Variants in ROR1 observed in about 807,000 individuals in gnomAD.
The protein encoded by ROR1 is inactive tyrosine-protein kinase transmembrane receptor ROR1.
In ROR1, 19 loss-of-function variants were observed where a neutral mutation model predicts 78.8. The observed-to-expected ratio is 0.24, with a 90% CI of 0.17 to 0.35. The LOEUF is 0.35. Ranked by LOEUF, ROR1 falls within the 10% of genes least tolerant of loss-of-function variation. ROR1 has a pLI of 1.00. For synonymous variants in ROR1, 386 were observed against 433.6 expected, an observed-to-expected ratio of 0.89 and a Z score of 1.36; for missense variants, 917 against 1,177.8, an observed-to-expected ratio of 0.78 and a Z score of 3.24.
At chr1:63,797,555 C>T (rs1235843788) in intron 1 of ROR1, among the ~76,000 whole-genome samples, 1 of 152,198 alleles carries the variant, frequency 6.6e-6, no homozygotes, top group Non-Finnish European at 1.5e-5. Flanking sequence ...AGGGAACTTG[C>T]TCAAGGTCAA....
intron 2 of ROR1, among the ~76,000 whole-genome samples, chr1:64,032,059 A>T (rs979179198): frequency 3.3e-5 from 5 of 152,056 alleles, no homozygotes; most frequent in African/African-American, 1.2e-4. Context: ...TATACAAAAT[A>T]TGGCCGGGCG....
intron 4 of ROR1, among the ~76,000 whole-genome samples, chr1:64,101,277 G>A (rs1018557610): frequency 6.6e-6 from 1 of 152,138 alleles, no homozygotes; most frequent in Non-Finnish European, 1.5e-5. Flanking sequence ...GTGCCACGGG[G>A]TAGGGAACAG....
At chr1:64,062,871 T>C (rs1018658841) in intron 4 of ROR1, among the ~76,000 whole-genome samples, 1 of 152,198 alleles carries the variant, frequency 6.6e-6, no homozygotes, top group Non-Finnish European at 1.5e-5. Context: ...CACATAAATA[T>C]TGTATGTAAT....
At chr1:64,177,029 T>C (rs1056342660) in intron 8 of ROR1, among the ~76,000 whole-genome samples, 6 of 152,204 alleles carry the variant, frequency 3.9e-5, no homozygotes, top group Non-Finnish European at 8.8e-5. Context: ...TGGTAGTGCT[T>C]CTGACACCCT....
At chr1:63,793,901 C>T (rs1483008992) in intron 1 of ROR1, among the ~76,000 whole-genome samples, 1 of 152,180 alleles carries the variant, frequency 6.6e-6, no homozygotes, top group African/African-American at 2.4e-5. Flanking sequence ...ATAACAGCCT[C>T]CTGGGGACTG....
chr1:64,066,451 G>C (rs959626356), intron 4 of ROR1, among the ~76,000 whole-genome samples: 2 of 151,800 alleles, frequency 1.3e-5, no homozygotes. Flanking sequence ...CCAAGTAGCT[G>C]GGACTACAGG....
At chr1:63,836,891 G>T (rs555018228) in intron 1 of ROR1, among the ~76,000 whole-genome samples, 44 of 152,204 alleles carry the variant, frequency 2.9e-4, no homozygotes, top group Non-Finnish European at 5.3e-4. Flanking sequence ...ATTGCTAAAG[G>T]CTGACAACCA....
chr1:63,832,602 G>A (rs1400824235), intron 1 of ROR1, among the ~76,000 whole-genome samples: 1 of 152,320 alleles, frequency 6.6e-6, no homozygotes, highest in East Asian at 1.9e-4. Context: ...CTGGAACATG[G>A]AATTAGTACT....
Position 64,142,766 on chromosome 1 carries a change from G to T in ROR1, c.1174+116G>T, listed in dbSNP as rs188874385. 1.5e-5 allele frequency: 22 copies of T among 1,489,576 alleles called. No individual in the cohort carries two copies. The East Asian group carries it at 3.8e-4, about 26-fold the overall frequency. 92.3% of individuals were successfully genotyped at this position (1,489,576 alleles called of 1,614,324 possible). On this transcript the variant is annotated intron_variant, in intron 7 of 8. Transcript: ENST00000371079. ...CAAAGAAAATGGACAGTATTTGCTT[G>T]ATCTCAATCTGGTTTTAGGGTAAAC...
At chr1:63,899,075 A>G (rs112175082) in intron 1 of ROR1, among the ~76,000 whole-genome samples, 23 of 151,954 alleles carry the variant, frequency 1.5e-4, no homozygotes, top group African/African-American at 4.6e-4. Flanking sequence ...CTTCAAGCCT[A>G]CAGTTTCTCA....
intron 1 of ROR1, among the ~76,000 whole-genome samples, chr1:63,880,077 A>G (rs1645313031): frequency 6.6e-6 from 1 of 152,146 alleles, no homozygotes; most frequent in South Asian, 2.1e-4. Context: ...GGATGACATA[A>G]GAAATTGCCT....
chr1:64,130,580 C>A (rs561228774), intron 4 of ROR1, among the ~76,000 whole-genome samples: 4 of 152,210 alleles, frequency 2.6e-5, no homozygotes, highest in African/African-American at 7.2e-5. Flanking sequence ...GCAGCTAGGG[C>A]TGATAAGATT....
At chr1:64,015,093 G>A (rs1260765285) in intron 2 of ROR1, among the ~76,000 whole-genome samples, 1 of 151,830 alleles carries the variant, frequency 6.6e-6, no homozygotes, top group Admixed American at 6.6e-5. Flanking sequence ...ATGGTGGCAG[G>A]CAAAGAGAGA....
At chr1:63,867,688 A>G (rs1645225197) in intron 1 of ROR1, among the ~76,000 whole-genome samples, 2 of 152,178 alleles carry the variant, frequency 1.3e-5, no homozygotes, top group South Asian at 4.1e-4. Context: ...GACCTCGCCG[A>G]CGAAAATATT....
At chr1:64,163,117 C>T (rs1013872904) in intron 8 of ROR1, among the ~76,000 whole-genome samples, 25 of 151,792 alleles carry the variant, frequency 1.6e-4, no homozygotes, top group African/African-American at 5.1e-4. Flanking sequence ...GGCATGGTTG[C>T]TCACACCTGT....
intron 7 of ROR1, among the ~76,000 whole-genome samples, chr1:64,151,714 A>C (rs6662193): frequency 0.72 from 96,272 of 134,234 alleles, 31,758 homozygotes; most frequent in Non-Finnish European, 0.77. Flanking sequence ...CTCTACTAAA[A>C]ATACAAAAAA....
intron 4 of ROR1, among the ~76,000 whole-genome samples, chr1:64,087,634 G>A (rs1196289621): frequency 6.6e-6 from 1 of 152,188 alleles, no homozygotes; most frequent in East Asian, 1.9e-4. Context: ...AAGCAGTAGT[G>A]TTAATATAAA....
intron 1 of ROR1, among the ~76,000 whole-genome samples, chr1:63,782,708 C>A (rs1362225477): frequency 2.0e-5 from 3 of 152,044 alleles, no homozygotes; most frequent in Non-Finnish European, 2.9e-5. Context: ...TTCATGCAGA[C>A]CTGGGGCTCC....
chr1:63,787,207 C>G (rs560979394), intron 1 of ROR1, among the ~76,000 whole-genome samples: 5 of 152,178 alleles, frequency 3.3e-5, no homozygotes, highest in African/African-American at 1.2e-4. Flanking sequence ...TCCAGGAAGG[C>G]ACCCTGGCCT....
Sources: gnomAD v4.1 joint callset for allele counts (sites outside exome capture counted in the v4.1 genomes callset) on GRCh38, gnomAD v4.1.1 for gene constraint, MANE v1.5 for transcripts, NCBI Gene and HGNC (gene_info 2026-07-23, HGNC 2026-07-21) for gene names.